The following INPP4B variants were observed in gnomAD, a reference collection of about 807,000 sequenced individuals.
INPP4B encodes the protein inositol polyphosphate-4-phosphatase type II B.
Under a neutral mutation model 122.5 loss-of-function variants are expected in INPP4B, and 55 were observed. That is an observed-to-expected ratio of 0.45 (90% confidence interval 0.36 to 0.56). The LOEUF (loss-of-function observed/expected upper bound fraction) is 0.56. Among genes scored for constraint, INPP4B ranks in the 20% least tolerant of loss-of-function variants. INPP4B has a pLI of 0.00. For synonymous variants in INPP4B, 403 were observed against 388.7 expected, an observed-to-expected ratio of 1.04 and a Z score of -0.43; for missense variants, 1,000 against 1,097.7, an observed-to-expected ratio of 0.91 and a Z score of 1.26.
At chr4:142,792,260 T>G (rs1776649701) in intron 1 of INPP4B, among the ~76,000 whole-genome samples, 2 of 151,832 alleles carry the variant, frequency 1.3e-5, no homozygotes, top group African/African-American at 4.8e-5. Context: ...TACATAAATT[T>G]TTATTATTTT....
chr4:142,828,433 A>T (rs1053232538), intron 1 of INPP4B, among the ~76,000 whole-genome samples: 2 of 152,168 alleles, frequency 1.3e-5, no homozygotes, highest in Non-Finnish European at 2.9e-5. Flanking sequence ...AGAATGAAAA[A>T]AATTGATTAC....
At chr4:142,200,529 T>G (rs1840196549) in intron 14 of INPP4B, among the ~76,000 whole-genome samples, 2 of 152,180 alleles carry the variant, frequency 1.3e-5, no homozygotes, top group South Asian at 4.1e-4. Flanking sequence ...ACTTCCATAT[T>G]TATTTCCTTA....
At chr4:142,417,588 A>G (rs1806035677) in intron 5 of INPP4B, among the ~76,000 whole-genome samples, 1 of 152,174 alleles carries the variant, frequency 6.6e-6, no homozygotes, top group African/African-American at 2.4e-5. Flanking sequence ...AGGAATTATT[A>G]TCTGCAATTC....
rs114280338 is a variant in INPP4B at position 142,775,609 on chromosome 4, A to C, written c.-253-49708T>G. ...AGTCTGGTTTTGAACTCCTGGGCTCAAATAATCCTCCCACCTTGGACTCTC... is the reference window on the plus strand; with the variant it reads ...AGTCTGGTTTTGAACTCCTGGGCTCCAATAATCCTCCCACCTTGGACTCTC... On this transcript the variant is annotated intron_variant, in intron 1 of 25. Transcript: ENST00000262992. Among the ~76,000 whole-genome samples, 693 of 147,468 alleles carry C rather than the reference A, an allele frequency of 4.7e-3. 7 individuals are homozygous for C. Among genetic ancestry groups the C allele is most frequent in the African/African-American group, 0.017 (663 of 39,964 alleles).
chr4:142,221,749 C>A (rs921361890), intron 12 of INPP4B, among the ~76,000 whole-genome samples: 2 of 152,084 alleles, frequency 1.3e-5, no homozygotes, highest in African/African-American at 2.4e-5. Flanking sequence ...TAGGTACTAG[C>A]CACATGTAGC....
At chr4:142,229,971 G>A (rs887118612) in intron 12 of INPP4B, among the ~76,000 whole-genome samples, 16 of 152,082 alleles carry the variant, frequency 1.1e-4, no homozygotes, top group African/African-American at 3.6e-4. Flanking sequence ...TATTTAGATG[G>A]GAAGTAAGCT....
intron 2 of INPP4B, among the ~76,000 whole-genome samples, chr4:142,613,843 T>C (rs949468806): frequency 6.6e-6 from 1 of 152,194 alleles, no homozygotes; most frequent in African/African-American, 2.4e-5. Flanking sequence ...TCAGATATCA[T>C]GATCTTCAAG....
intron 25 of INPP4B, among the ~76,000 whole-genome samples, chr4:142,037,774 C>T (rs1744885316): frequency 6.6e-6 from 1 of 152,024 alleles, no homozygotes; most frequent in South Asian, 2.1e-4. Flanking sequence ...TGAATTGTAT[C>T]AGATTTAAAT....
chr4:142,798,972 G>A (rs1175169692), intron 1 of INPP4B, among the ~76,000 whole-genome samples: 4 of 151,678 alleles, frequency 2.6e-5, no homozygotes, highest in Non-Finnish European at 5.9e-5. Context: ...GGGACCATGA[G>A]AGACTGATGC....
chr4:142,286,091 G>T (rs962980757), intron 9 of INPP4B, among the ~76,000 whole-genome samples: 3 of 152,120 alleles, frequency 2.0e-5, no homozygotes, highest in Non-Finnish European at 4.4e-5. Flanking sequence ...AGGAGGAAAA[G>T]TAATTAAAGC....
At chr4:142,086,850 TTCTG>T (rs1352217720) in intron 23 of INPP4B, among the ~76,000 whole-genome samples, 1 of 152,248 alleles carries the variant, frequency 6.6e-6, no homozygotes, top group Non-Finnish European at 1.5e-5. Flanking sequence ...AGATGTTGGC[TTCTG>T]TCTCACTTTA....
At chr4:142,264,307 A>C (rs559136055) in intron 10 of INPP4B, among the ~76,000 whole-genome samples, 1 of 152,304 alleles carries the variant, frequency 6.6e-6, no homozygotes, top group East Asian at 1.9e-4. Context: ...GTTTCAATTA[A>C]AAGGTGCAGT....
intron 18 of INPP4B, among the ~76,000 whole-genome samples, chr4:142,126,482 A>G (rs1798670459): frequency 6.6e-6 from 1 of 152,178 alleles, no homozygotes; most frequent in Admixed American, 6.5e-5. Context: ...ACATAATAAA[A>G]AGATACATTC....
chr4:142,563,935 G>C (rs959938723), intron 2 of INPP4B, among the ~76,000 whole-genome samples: 1 of 152,146 alleles, frequency 6.6e-6, no homozygotes, highest in Admixed American at 6.5e-5. Flanking sequence ...CTACACATGG[G>C]TTAGTCCAAT....
chr4:142,061,615 A>G (rs79061331), intron 25 of INPP4B, among the ~76,000 whole-genome samples: 1 of 152,108 alleles, frequency 6.6e-6, no homozygotes, highest in African/African-American at 2.4e-5. Flanking sequence ...GAATTTTAAA[A>G]TTAATATTAA....
chr4:142,282,402 A>C (rs967178104), intron 9 of INPP4B, among the ~76,000 whole-genome samples: 1 of 152,122 alleles, frequency 6.6e-6, no homozygotes, highest in African/African-American at 2.4e-5. Flanking sequence ...CCATTGCTAC[A>C]TAACAAATTT....
chr4:142,663,460 T>A (rs530067755), intron 2 of INPP4B, among the ~76,000 whole-genome samples: 316 of 152,190 alleles, frequency 2.1e-3, no homozygotes, highest in African/African-American at 7.0e-3. Flanking sequence ...AAATAGAAGT[T>A]TAGAAACAAA....
At chr4:142,144,623 A>T (rs1054272714) in intron 18 of INPP4B, among the ~76,000 whole-genome samples, 21 of 152,220 alleles carry the variant, frequency 1.4e-4, no homozygotes, top group Middle Eastern at 3.4e-3. Context: ...TAAAAAAGAA[A>T]ATCCCTACAT....
intron 23 of INPP4B, among the ~76,000 whole-genome samples, chr4:142,094,750 T>C (rs1004041309): frequency 6.6e-6 from 1 of 152,178 alleles, no homozygotes; most frequent in Non-Finnish European, 1.5e-5. Context: ...TGGGGCTTTT[T>C]CCAATAGTCA....
Sources: gnomAD v4.1 joint callset for allele counts (sites outside exome capture counted in the v4.1 genomes callset) on GRCh38, gnomAD v4.1.1 for gene constraint, MANE v1.5 for transcripts, NCBI Gene and HGNC (gene_info 2026-07-23, HGNC 2026-07-21) for gene names.